CD58: variants seen among roughly 807,000 people sequenced by gnomAD.
CD58 encodes the protein lymphocyte function-associated antigen 3.
A neutral mutation model predicts 27.6 loss-of-function variants in CD58; 14 were observed. That is an observed-to-expected ratio of 0.51 (90% confidence interval 0.34 to 0.79). CD58 has a LOEUF of 0.79. Ranked by LOEUF, CD58 falls within the 30% of genes least tolerant of loss-of-function variation. The pLI, the probability that CD58 is intolerant of heterozygous loss-of-function variation, is 0.02. For missense variants in CD58, 268 were observed against 301.7 expected (o/e 0.89, Z 0.83); for synonymous variants, 117 against 103.8 (o/e 1.13, Z -0.77).
chr1:116,541,912 T>C lies in CD58; in HGVS notation c.364+2399A>G, dbSNP rs909503083. On this transcript the variant is annotated intron_variant, in intron 2 of 5. Coordinates refer to ENST00000369489, the MANE Select transcript of CD58 (RefSeq NM_001779.3). The surrounding 1 kb of genome is among the most constrained non-coding windows in gnomAD (Gnocchi z 5.3). ...GAGACCTAAGGCTTAAGCCTTGATGTTTCCAGTGTTAAGAGGTTGGGGAAA... is the reference window on the plus strand; with the variant it reads ...GAGACCTAAGGCTTAAGCCTTGATGCTTCCAGTGTTAAGAGGTTGGGGAAA... 4.6e-5 allele frequency among the ~76,000 whole-genome samples: 7 copies of C among 152,200 alleles called. No homozygotes were observed. The highest frequency in any genetic ancestry group is 1.7e-4 in the African/African-American group (7 of 41,442).
intron 2 of CD58, among the ~76,000 whole-genome samples, chr1:116,542,719 G>A (rs938931436): frequency 6.6e-6 from 1 of 152,210 alleles, no homozygotes; most frequent in Non-Finnish European, 1.5e-5. Flanking sequence ...AGGACGGCAA[G>A]AGGAGGTGGG....
rs771290884 is a variant in CD58 at position 116,557,272 on chromosome 1, G to T, written c.71-12668C>A. Among the ~76,000 whole-genome samples, 1 of 152,194 alleles carries T rather than the reference G, an allele frequency of 6.6e-6. No individual in the cohort carries two copies. Among genetic ancestry groups the T allele is most frequent in the Admixed American group, 6.5e-5 (1 of 15,278 alleles). ...AACCTGGCTGAAGAAGGAGGACTTC[G>T]TAAGGAGAGATGGAGAAAGAAGTTT... is the stretch of plus-strand genomic sequence containing the variant. On this transcript the variant is annotated intron_variant, in intron 1 of 5. Transcript: ENST00000369489. The surrounding 1 kb of genome is among the most constrained non-coding windows in gnomAD (Gnocchi z 5.2).
Position 116,534,678 on chromosome 1 carries a change from TCTA to T in CD58, c.628+1284_628+1286del, listed in dbSNP as rs1216167912. ...GGCGCTGCCCACCCTGACGAGGACGTCTACTTTTTCTTGAAAAATGTCTTTCCT... is the reference window on the plus strand; with the variant it reads ...GGCGCTGCCCACCCTGACGAGGACGTCTTTTTCTTGAAAAATGTCTTTCCT... On this transcript the variant is annotated intron_variant, in intron 3 of 5. Coordinates refer to ENST00000369489, the MANE Select transcript of CD58 (RefSeq NM_001779.3). The surrounding 1 kb of genome is among the most constrained non-coding windows in gnomAD (Gnocchi z 5.3). Among the ~76,000 whole-genome samples the T allele has an allele frequency of 6.6e-6, 1 of 152,222 alleles. No individual in the cohort carries two copies. The highest frequency in any genetic ancestry group is 1.5e-5 in the Non-Finnish European group (1 of 68,028).
chr1:116,518,491 A>C (rs917859434), intron 5 of CD58, among the ~76,000 whole-genome samples: 2 of 152,016 alleles, frequency 1.3e-5, no homozygotes, highest in African/African-American at 4.8e-5. Context: ...CCTCTCTCAA[A>C]GTCTCAGCCT....
chr1:116,544,682 G>A (rs1658106362), intron 1 of CD58, 78 bp from the exon 2 acceptor site: 3 of 970,120 alleles, frequency 3.1e-6, no homozygotes, highest in Non-Finnish European at 4.6e-6. Context: ...TACTTTTTGT[G>A]CTAAGCTGAC....
Position 116,538,903 on chromosome 1 carries a change from C to A in CD58, c.365-2675G>T, listed in dbSNP as rs568138645. 6.6e-6 allele frequency among the ~76,000 whole-genome samples: 1 copy of A among 152,192 alleles called. No individual in the cohort carries two copies. The highest frequency in any genetic ancestry group is 1.5e-5 in the Non-Finnish European group (1 of 68,034). ...TTCAAATAAAATGTAAATTCTTCTA[C>A]CCGCTATCTCCAAAGAGGTACAGTA... On this transcript the variant is annotated intron_variant, in intron 2 of 5. Coordinates refer to ENST00000369489, the MANE Select transcript of CD58 (RefSeq NM_001779.3). The surrounding 1 kb of genome is among the most constrained non-coding windows in gnomAD (Gnocchi z 4.7).
At chr1:116,556,255 GAAAA>G (rs1158092746) in intron 1 of CD58, among the ~76,000 whole-genome samples, 1 of 29,826 alleles carries the variant, frequency 3.4e-5, no homozygotes, top group East Asian at 1.1e-3. Context: ...CTCCATCTCA[GAAAA>G]AAAAAAAAAA....
rs988215817 is a variant in CD58 at position 116,570,423 on chromosome 1, C to T, written c.70+480G>A. On this transcript the variant is annotated intron_variant, in intron 1 of 5. Coordinates refer to ENST00000369489, the MANE Select transcript of CD58 (RefSeq NM_001779.3). This position sits in a 1 kb window ranked among gnomAD's most constrained non-coding sequence, Gnocchi z 6.4. ...TTCTGAAAAGTCCTCTCTGCTGATA[C>T]GGCGGACGCCGCGCGGGCGGGGACG... 2.0e-5 allele frequency among the ~76,000 whole-genome samples: 3 copies of T among 152,122 alleles called. No homozygotes were observed. The highest frequency in any genetic ancestry group is 4.4e-5 in the Non-Finnish European group (3 of 67,996).
Position 116,519,498 on chromosome 1 carries a change from T to G in CD58, c.707-231A>C, listed in dbSNP as rs910013512. Among the ~76,000 whole-genome samples the G allele has an allele frequency of 3.0e-4, 45 of 152,172 alleles. No individual in the cohort carries two copies. Among genetic ancestry groups the G allele is most frequent in the African/African-American group, 1.0e-3 (43 of 41,438 alleles). ...ATAGAAAACCAAATGCAAAAACTGT[T>G]GACAAAATGGCTAATTTTACCTCGT... On this transcript the variant is annotated intron_variant, in intron 4 of 5. Coordinates refer to ENST00000369489, the MANE Select transcript of CD58 (RefSeq NM_001779.3). The surrounding 1 kb of genome is among the most constrained non-coding windows in gnomAD (Gnocchi z 4.7).
At chr1:116,565,141 G>A (rs1212045469) in intron 1 of CD58, among the ~76,000 whole-genome samples, 1 of 152,104 alleles carries the variant, frequency 6.6e-6, no homozygotes, top group Non-Finnish European at 1.5e-5. Flanking sequence ...CCAGCAGCCA[G>A]AATAATTCTT....
chr1:116,531,717 G>C lies in CD58; in HGVS notation c.628+4248C>G, dbSNP rs1251945223. Among the ~76,000 whole-genome samples the C allele has an allele frequency of 6.6e-6, 1 of 152,212 alleles. No homozygotes were observed. The highest frequency in any genetic ancestry group is 1.5e-5 in the Non-Finnish European group (1 of 68,040). On this transcript the variant is annotated intron_variant, in intron 3 of 5. Transcript: ENST00000369489. The surrounding 1 kb of genome is among the most constrained non-coding windows in gnomAD (Gnocchi z 4.5). ...CTGTCTTCAAAAATCAAATCTATCA[G>C]TTATAAATTGGGACTCATTTGCACT...
intron 1 of CD58, among the ~76,000 whole-genome samples, chr1:116,564,766 A>G (rs1381030968): frequency 2.0e-5 from 3 of 152,180 alleles, no homozygotes; most frequent in African/African-American, 4.8e-5. Flanking sequence ...TTACAATTCA[A>G]CGTAAGATTT....
intron 5 of CD58, chr1:116,518,946 C>T: frequency 1.0e-6 from 1 of 974,556 alleles, no homozygotes. Context: ...TCTCACTTGA[C>T]TTCTATGAAT....
intron 5 of CD58, chr1:116,518,699 C>T (rs181139888): frequency 1.0e-6 from 1 of 989,692 alleles, no homozygotes; most frequent in African/African-American, 1.7e-5. Flanking sequence ...TTGGAGCACC[C>T]TACGGCGGTT....
In CD58 at chr1:116,527,879, C is replaced by T. The variant is rs895136784; in HGVS notation, c.629-5896G>A. The stretch of plus-strand genomic sequence containing the variant: ...CCAGGCTGAAGTGATCCTCCCACCT[C>T]AGTCTCCCAAGTAGCTAGGACTACA... On this transcript the variant is annotated intron_variant, in intron 3 of 5. Coordinates refer to ENST00000369489, the MANE Select transcript of CD58 (RefSeq NM_001779.3). This position sits in a 1 kb window ranked among gnomAD's most constrained non-coding sequence, Gnocchi z 4.4. 2.0e-5 allele frequency among the ~76,000 whole-genome samples: 3 copies of T among 152,196 alleles called. No individual in the cohort carries two copies. The highest frequency in any genetic ancestry group is 6.5e-5 in the Admixed American group (1 of 15,276).
At chr1:116,518,065 T>G (rs952832817) in intron 5 of CD58, among the ~76,000 whole-genome samples, 9 of 152,206 alleles carry the variant, frequency 5.9e-5, no homozygotes, top group Non-Finnish European at 1.2e-4. Flanking sequence ...TTGACACAGT[T>G]ATTTCTATGT....
rs1659105351 is a variant in CD58 at position 116,570,496 on chromosome 1, C to T, written c.70+407G>A. The stretch of plus-strand genomic sequence containing the variant: ...GGCGTCGCCCTCGAGCAGGTGGCAT[C>T]CGCGCCCGCTCCCCGTCCCGGGCGC... On this transcript the variant is annotated intron_variant, in intron 1 of 5. Transcript: ENST00000369489. This position sits in a 1 kb window ranked among gnomAD's most constrained non-coding sequence, Gnocchi z 6.4. Among the ~76,000 whole-genome samples the T allele has an allele frequency of 6.6e-6, 1 of 151,984 alleles. No individual in the cohort carries two copies. Among genetic ancestry groups the T allele is most frequent in the Admixed American group, 6.5e-5 (1 of 15,272 alleles).
rs746211269 is a variant in CD58 at position 116,534,641 on chromosome 1, G to T, written c.628+1324C>A. ...GGCCGCTCCAGGCCCCAAGCCCCAG[G>T]CCCGCCGCGGCGGCGCTGCCCACCC... On this transcript the variant is annotated intron_variant, in intron 3 of 5. Transcript: ENST00000369489. This position sits in a 1 kb window ranked among gnomAD's most constrained non-coding sequence, Gnocchi z 5.3. 9.7e-4 allele frequency among the ~76,000 whole-genome samples: 148 copies of T among 152,316 alleles called. No individual in the cohort carries two copies. Among genetic ancestry groups the T allele is most frequent in the Non-Finnish European group, 5.1e-4 (35 of 68,012 alleles).
chr1:116,570,879 GC>G lies in CD58; in HGVS notation c.70+23del. Reference sequence around the variant, plus strand: ...CCCAGTACCCGCCGGCCGGCGCGGGGCCCCTGGGGCAGGCTTCACTCACCAA... The same window carrying G: ...CCCAGTACCCGCCGGCCGGCGCGGGGCCCTGGGGCAGGCTTCACTCACCAA... On this transcript the variant is annotated intron_variant, in intron 1 of 5. Transcript: ENST00000369489. This position sits in a 1 kb window ranked among gnomAD's most constrained non-coding sequence, Gnocchi z 6.4. 1 of 1,535,686 alleles carries G rather than the reference GC, an allele frequency of 6.5e-7. No homozygotes were observed. The highest frequency in any genetic ancestry group is 8.7e-7 in the Non-Finnish European group (1 of 1,144,090).
Sources: allele counts gnomAD v4.1 joint callset (sites outside exome capture counted in the v4.1 genomes callset), GRCh38; gene constraint gnomAD v4.1.1; non-coding constraint Gnocchi (gnomAD v3.1); transcripts MANE v1.5; gene names NCBI Gene and HGNC (gene_info 2026-07-23, HGNC 2026-07-21).